Variants in ONECUT2 observed in about 807,000 individuals in gnomAD.
The protein encoded by ONECUT2 is one cut homeobox 2, also known as one cut domain family member 2.
ONECUT2 carries 10 observed loss-of-function variants against 27.9 expected under a neutral mutation model. The ratio of observed to expected loss-of-function variants is 0.36; its 90% CI spans 0.22 to 0.61. ONECUT2 has a LOEUF of 0.61. Among genes scored for constraint, ONECUT2 ranks in the 20% least tolerant of loss-of-function variants. The pLI, the probability that ONECUT2 is intolerant of heterozygous loss-of-function variation, is 0.73. For synonymous variants in ONECUT2, 334 were observed against 315.1 expected, an observed-to-expected ratio of 1.06 and a Z score of -0.64; for missense variants, 686 against 721.0, an observed-to-expected ratio of 0.95 and a Z score of 0.56.
rs1266084650 is a variant in ONECUT2 at position 57,475,043 on chromosome 18, C to A, written c.1229-1394C>A. Among the ~76,000 whole-genome samples the A allele has an allele frequency of 4.2e-5, 6 of 141,678 alleles. No individual in the cohort carries two copies. In the Admixed American group the frequency reaches 4.4e-4, roughly 10 times the overall value. The allele number at this position is 141,678 out of a possible 152,430, so 92.9% of individuals were successfully genotyped here. On this transcript the variant is annotated intron_variant, in intron 1 of 1. Transcript: ENST00000491143. Reference sequence around the variant, plus strand: ...CACCACACCCCTAGGGGAGCTGGGACTTATTTCAAGTGATTTTTTTTTTTT... The same window carrying A: ...CACCACACCCCTAGGGGAGCTGGGAATTATTTCAAGTGATTTTTTTTTTTT...
Position 57,478,218 on chromosome 18 carries a change from A to G in ONECUT2, c.*1495A>G, listed in dbSNP as rs2050395754. On this transcript the variant is annotated 3_prime_UTR_variant, in exon 2 of 2. Coordinates refer to ENST00000491143, the MANE Select transcript of ONECUT2 (RefSeq NM_004852.3). Reference sequence around the variant, plus strand: ...TTGCCACACCAGTTGTCACCTTCCCATAGCAAGTGGAAGAGCGCCCACAGA... The same window carrying G: ...TTGCCACACCAGTTGTCACCTTCCCGTAGCAAGTGGAAGAGCGCCCACAGA... 6.6e-6 allele frequency: 1 copy of G among 152,506 alleles called. No individual in the cohort carries two copies. Among genetic ancestry groups the G allele is most frequent in the Non-Finnish European group, 1.5e-5 (1 of 68,040 alleles). The allele number at this position is 152,506 out of a possible 1,614,324, so 9.4% of individuals were successfully genotyped here. A position where few individuals can be genotyped will look rare whatever the true frequency, so the allele number is the denominator to read the frequency against.
chr18:57,435,660 TGCCC>T lies in ONECUT2; in HGVS notation c.-49_-46del. The stretch of plus-strand genomic sequence containing the variant: ...CAGCCGAGCCCCGCCACGCGCGCCT[TGCCC>T]GCCCGCCGGCCGCCCCCGCCGCCCC... On this transcript the variant is annotated 5_prime_UTR_variant, in exon 1 of 2. Coordinates refer to ENST00000491143, the MANE Select transcript of ONECUT2 (RefSeq NM_004852.3). 1 of 1,005,192 alleles carries T rather than the reference TGCCC, an allele frequency of 9.9e-7. No individual in the cohort carries two copies. Among genetic ancestry groups the T allele is most frequent in the Non-Finnish European group, 1.2e-6 (1 of 839,240 alleles). 62.3% of individuals were successfully genotyped at this position (1,005,192 alleles called of 1,614,324 possible). A position where few individuals can be genotyped will look rare whatever the true frequency, so the allele number is the denominator to read the frequency against.
intron 1 of ONECUT2, among the ~76,000 whole-genome samples, chr18:57,458,577 G>A (rs932406220): frequency 6.6e-6 from 1 of 152,100 alleles, no homozygotes; most frequent in African/African-American, 2.4e-5. Flanking sequence ...ATTGCATAGT[G>A]TCCTATGGCA....
chr18:57,436,231 C>T lies in ONECUT2; in HGVS notation c.515C>T (p.Pro172Leu). ...TCTGACAAGTTCCACCACCCTCACC[C>T]GCACCACCATCCGCACCACCACCAC... Reference protein sequence around the residue: ...TVSDKFHHPHPHHHPHHHHHH... With the variant: ...TVSDKFHHPHLHHHPHHHHHH... The change falls in exon 1 of 2, where the codon CCG (proline) becomes CTG (leucine). Residue 172 changes from proline (P) to leucine (L), a missense_variant. Physicochemically the swap from Pro to Leu is moderately conservative, Grantham distance 98. Transcript: ENST00000491143. The surrounding 1 kb of genome is among the most constrained non-coding windows in gnomAD (Gnocchi z 5.9). The T allele has an allele frequency of 1.2e-6, 2 of 1,603,332 alleles. No homozygotes were observed. The highest frequency in any genetic ancestry group is 1.7e-6 in the Non-Finnish European group (2 of 1,177,252).
At chr18:57,448,579 C>T (rs1490010931) in intron 1 of ONECUT2, among the ~76,000 whole-genome samples, 2 of 152,182 alleles carry the variant, frequency 1.3e-5, no homozygotes, top group African/African-American at 2.4e-5. Context: ...GTGTAGTCTT[C>T]GAATCTGTGG....
rs1457844124 is a variant in ONECUT2, at chr18:57,436,263, C to A, written c.547C>A (p.His183Asn). The change falls in exon 1 of 2, where the codon CAC (histidine) becomes AAC (asparagine). Residue 183 changes from histidine to asparagine, a missense_variant. Physicochemically the swap from His to Asn is moderately conservative, Grantham distance 68. Transcript: ENST00000491143. The surrounding 1 kb of genome is among the most constrained non-coding windows in gnomAD (Gnocchi z 5.9). ...HHHPHHHHHH[H>N]HQRLSGNVSG... ...CCATCCGCACCACCACCACCACCAC[C>A]ACCACCAGCGCCTGTCCGGCAACGT... 1.2e-6 allele frequency: 2 copies of A among 1,603,966 alleles called. No individual in the cohort carries two copies. Among genetic ancestry groups the A allele is most frequent in the Non-Finnish European group, 1.7e-6 (2 of 1,178,656 alleles).
chr18:57,450,106 T>C (rs2050221921), intron 1 of ONECUT2, among the ~76,000 whole-genome samples: 3 of 152,200 alleles, frequency 2.0e-5, no homozygotes, highest in African/African-American at 7.2e-5. Flanking sequence ...AACGAGAGAA[T>C]AGGTTGGGTA....
chr18:57,436,247 C>A lies in ONECUT2; in HGVS notation c.531C>A (p.His177Gln). 1 of 1,542,512 alleles carries A rather than the reference C, an allele frequency of 6.5e-7. No individual in the cohort carries two copies. The highest frequency in any genetic ancestry group is 8.7e-7 in the Non-Finnish European group (1 of 1,145,008). ...FHHPHPHHHP[H>Q]HHHHHHHQRL... ...ACCCTCACCCGCACCACCATCCGCA[C>A]CACCACCACCACCACCACCACCAGC... Residue 177 changes from histidine to glutamine, a missense_variant, in exon 1 of 2, where the codon CAC becomes CAA. Physicochemically the swap from His to Gln is conservative, Grantham distance 24. This residue lies in a region of ONECUT2 where 511 missense variants were observed against 488.1 expected (regional missense o/e 1.05). Transcript: ENST00000491143. This position sits in a 1 kb window ranked among gnomAD's most constrained non-coding sequence, Gnocchi z 5.9.
At position 57,478,293 on chromosome 18, in the gene ONECUT2, C is replaced by T. The variant is rs1262583979; in HGVS notation, c.*1570C>T. ...AATGTGCATATTTACCAGTGAATGG[C>T]CCCGGGTGGGGCCACGTGGGGGTGT... On this transcript the variant is annotated 3_prime_UTR_variant, in exon 2 of 2. Transcript: ENST00000491143. The T allele has an allele frequency of 2.6e-5, 4 of 152,450 alleles. No homozygotes were observed. Among genetic ancestry groups the T allele is most frequent in the Non-Finnish European group, 5.9e-5 (4 of 68,030 alleles). The allele number at this position is 152,450 out of a possible 1,614,324, so 9.4% of individuals were successfully genotyped here. A position where few individuals can be genotyped will look rare whatever the true frequency, so the allele number is the denominator to read the frequency against.
rs2298651 is a variant in ONECUT2, at chr18:57,484,102, G to A, written c.*7379G>A. The stretch of plus-strand genomic sequence containing the variant: ...TGGAAAAATAAATTTTAAAAAAATC[G>A]TAAACAAAAAGAGAGAAACCCTTAC... On this transcript the variant is annotated 3_prime_UTR_variant, in exon 2 of 2. Transcript: ENST00000491143. 7,553 of 151,922 alleles carry A rather than the reference G, an allele frequency of 0.05. 720 individuals carry two copies. Among genetic ancestry groups the A allele is most frequent in the East Asian group, 0.37 (1,921 of 5,166 alleles). 9.4% of individuals were successfully genotyped at this position (151,922 alleles called of 1,614,324 possible).
intron 1 of ONECUT2, among the ~76,000 whole-genome samples, chr18:57,444,875 GGGGGT>G (rs1568118872): frequency 6.6e-6 from 1 of 152,148 alleles, no homozygotes; most frequent in African/African-American, 2.4e-5. Flanking sequence ...AAATGGGAAG[GGGGGT>G]GGGAAGAGAG....
rs572876148 is a variant in ONECUT2, at chr18:57,479,625, T to G, written c.*2902T>G. 3.3e-5 allele frequency: 5 copies of G among 152,758 alleles called. No homozygotes were observed. The South Asian group carries it at 1.0e-3, about 32-fold the overall frequency. 9.5% of individuals were successfully genotyped at this position (152,758 alleles called of 1,614,324 possible). Reference sequence around the variant, plus strand: ...GATCCATGGTGTACATGAGTTTTATTTGTATTCGGAGTCATCTCTATTCTA... The same window carrying G: ...GATCCATGGTGTACATGAGTTTTATGTGTATTCGGAGTCATCTCTATTCTA... On this transcript the variant is annotated 3_prime_UTR_variant, in exon 2 of 2. Transcript: ENST00000491143.
At chr18:57,467,407 C>G (rs60104944) in intron 1 of ONECUT2, among the ~76,000 whole-genome samples, 1,997 of 152,098 alleles carry the variant, frequency 0.013, 50 homozygotes, top group African/African-American at 0.045. Flanking sequence ...GCTCTGTCAC[C>G]CAGGCGGGAG....
At chr18:57,437,750 C>A (rs1356073368) in intron 1 of ONECUT2, among the ~76,000 whole-genome samples, 2 of 152,252 alleles carry the variant, frequency 1.3e-5, no homozygotes, top group Middle Eastern at 3.2e-3. Flanking sequence ...TGCTCACCGG[C>A]CGTCCTTGCC....
intron 1 of ONECUT2, chr18:57,444,294 A>C (rs2050190509): frequency 2.2e-6 from 1 of 452,442 alleles, no homozygotes; most frequent in African/African-American, 2.0e-5. Flanking sequence ...CTGGCTCACC[A>C]AATTCTAGAA....
At chr18:57,458,443 G>T (rs1285378764) in intron 1 of ONECUT2, among the ~76,000 whole-genome samples, 2 of 152,142 alleles carry the variant, frequency 1.3e-5, no homozygotes, top group Non-Finnish European at 2.9e-5. Flanking sequence ...GGTATCTTAG[G>T]TTTGCGTATT....
chr18:57,485,000 G>A lies in ONECUT2; in HGVS notation c.*8277G>A, dbSNP rs953175964. 1 of 150,302 alleles carries A rather than the reference G, an allele frequency of 6.7e-6. No individual in the cohort carries two copies. Among genetic ancestry groups the A allele is most frequent in the African/African-American group, 2.4e-5 (1 of 41,414 alleles). 9.3% of individuals were successfully genotyped at this position (150,302 alleles called of 1,614,324 possible). On this transcript the variant is annotated 3_prime_UTR_variant, in exon 2 of 2. Coordinates refer to ENST00000491143, the MANE Select transcript of ONECUT2 (RefSeq NM_004852.3). ...ATAGTCACATATGGTCGGTTGCTTC[G>A]TGAAGGTGGCCTGTCTTGAAATACT...
At chr18:57,438,159 TGCGCACGGACCCC>T (rs750130945) in intron 1 of ONECUT2, among the ~76,000 whole-genome samples, 22 of 152,252 alleles carry the variant, frequency 1.4e-4, no homozygotes, top group Non-Finnish European at 2.8e-4. Context: ...CGCGCTTTTG[TGCGCACGGACCCC>T]GCGCGGTGTG....
chr18:57,454,632 CA>C (rs1019540440), intron 1 of ONECUT2, among the ~76,000 whole-genome samples: 1 of 152,188 alleles, frequency 6.6e-6, no homozygotes, highest in Admixed American at 6.5e-5. Flanking sequence ...CATCCTATTA[CA>C]CATGGGCCAC....
Sources: gnomAD v4.1 joint callset for allele counts (sites outside exome capture counted in the v4.1 genomes callset) on GRCh38, gnomAD v4.1.1 for gene constraint, gnomAD v4.1.1 regional missense constraint, Gnocchi (gnomAD v3.1) non-coding constraint, MANE v1.5 for transcripts, NCBI Gene and HGNC (gene_info 2026-07-23, HGNC 2026-07-21) for gene names.